Variants in INTS6 observed in about 807,000 individuals in gnomAD.
The protein encoded by INTS6 is DEAD box protein.
A neutral mutation model predicts 104.9 loss-of-function variants in INTS6; 16 were observed. The ratio of observed to expected loss-of-function variants is 0.15; its 90% CI spans 0.10 to 0.23. The LOEUF is 0.23. Among genes scored for constraint, INTS6 ranks in the 10% least tolerant of loss-of-function variants. The pLI is 1.00. For synonymous variants in INTS6, 324 were observed against 358.7 expected (o/e 0.90, Z 1.09); for missense variants, 584 against 1,062.8 (o/e 0.55, Z 6.26).
At chr13:51,340,010 T>C in the INTS6 span, among the ~76,000 whole-genome samples, 2 of 152,008 alleles carry the variant, frequency 1.3e-5, no homozygotes, top group East Asian at 3.8e-4. Flanking sequence ...GAGGAAGGGT[T>C]GGAAAAAAGA....
At chr13:51,417,666 A>G (rs966057138) in intron 4 of INTS6, among the ~76,000 whole-genome samples, 6 of 152,120 alleles carry the variant, frequency 3.9e-5, no homozygotes, top group African/African-American at 1.4e-4. Context: ...CGGGTTGGCC[A>G]GGCTGGTCTC....
chr13:51,383,938 A>G (rs1348060189), intron 7 of INTS6, 197 bp from the exon 8 acceptor site: 1 of 380,616 alleles, frequency 2.6e-6, no homozygotes, highest in Non-Finnish European at 4.6e-6. Context: ...ACAAAAAGAT[A>G]AACACTTGAA....
intron 16 of INTS6, among the ~76,000 whole-genome samples, chr13:51,368,545 TCA>T (rs1955737723): frequency 1.3e-5 from 2 of 152,156 alleles, no homozygotes; most frequent in African/African-American, 4.8e-5. Flanking sequence ...TCCTATAATA[TCA>T]CAGTTTAACT....
At chr13:51,346,428 A>G in the INTS6 span, among the ~76,000 whole-genome samples, 5 of 152,342 alleles carry the variant, frequency 3.3e-5, no homozygotes, top group Non-Finnish European at 7.3e-5. Context: ...AATGGCCCCA[A>G]ACAGAACCAG....
intron 7 of INTS6, chr13:51,384,877 A>T (rs1956111623): frequency 2.8e-6 from 1 of 357,494 alleles, no homozygotes; most frequent in Non-Finnish European, 5.5e-6. Flanking sequence ...CTCAGATTAG[A>T]CTAGTACAAA....
At chr13:51,400,767 A>T (rs1354775979) in intron 4 of INTS6, among the ~76,000 whole-genome samples, 2 of 152,214 alleles carry the variant, frequency 1.3e-5, no homozygotes, top group Non-Finnish European at 2.9e-5. Flanking sequence ...AATGTGGACT[A>T]AATGACTATA....
intron 11 of INTS6, 41 bp from the exon 12 acceptor site, chr13:51,378,495 A>C (rs747018640): frequency 3.8e-6 from 5 of 1,317,394 alleles, no homozygotes; most frequent in Admixed American, 1.8e-5. Flanking sequence ...ATAAAATCTA[A>C]ATTAATAAAT....
At chr13:51,387,991 A>G (rs1374812296) in intron 6 of INTS6, among the ~76,000 whole-genome samples, 2 of 152,236 alleles carry the variant, frequency 1.3e-5, no homozygotes, top group Non-Finnish European at 2.9e-5. Flanking sequence ...CTTAGAAATC[A>G]TTTTAACCGA....
At chr13:51,415,450 C>A (rs374714702) in intron 4 of INTS6, among the ~76,000 whole-genome samples, 10 of 152,140 alleles carry the variant, frequency 6.6e-5, no homozygotes, top group African/African-American at 2.4e-4. Context: ...GTAATTAAAT[C>A]ATGGGGATGG....
chr13:51,432,403 A>T (rs2138107769), intron 3 of INTS6, among the ~76,000 whole-genome samples: 1 of 152,234 alleles, frequency 6.6e-6, no homozygotes, highest in South Asian at 2.1e-4. Flanking sequence ...GCAGAAGTAT[A>T]CACTTAAAAA....
At chr13:51,377,871 T>C (rs1335059772) in intron 12 of INTS6, among the ~76,000 whole-genome samples, 1 of 152,142 alleles carries the variant, frequency 6.6e-6, no homozygotes, top group Non-Finnish European at 1.5e-5. Flanking sequence ...TAAAGATATC[T>C]GTAACCATGA....
At chr13:51,398,934 A>G (rs998629061) in intron 4 of INTS6, among the ~76,000 whole-genome samples, 5 of 152,196 alleles carry the variant, frequency 3.3e-5, no homozygotes, top group African/African-American at 1.2e-4. Flanking sequence ...ATACATACAT[A>G]TAAGAACATA....
At chr13:51,384,581 C>T in intron 7 of INTS6, 2 of 455,632 alleles carry the variant, frequency 4.4e-6, no homozygotes, top group South Asian at 3.1e-5. Flanking sequence ...GAATCTTCCA[C>T]AGGTTCCTCA....
chr13:51,452,886 AC>A lies in INTS6; in HGVS notation c.-362del. The A allele has an allele frequency of 1.8e-6, 2 of 1,119,198 alleles. No homozygotes were observed. The highest frequency in any genetic ancestry group is 9.4e-5 in the East Asian group (1 of 10,692). The allele number at this position is 1,119,198 out of a possible 1,614,324, so 69.3% of individuals were successfully genotyped here. A position where few individuals can be genotyped will look rare whatever the true frequency, so the allele number is the denominator to read the frequency against. ...GGAGACGGGCCTGGCTCCCCACCCC[AC>A]CCCCGGTACAGGAGTGGGGACCTGG... On this transcript the variant is annotated 5_prime_UTR_variant, in exon 1 of 18. Transcript: ENST00000311234. This position sits in a 1 kb window ranked among gnomAD's most constrained non-coding sequence, Gnocchi z 4.2.
At chr13:51,376,851 C>G (rs1227841121) in intron 12 of INTS6, among the ~76,000 whole-genome samples, 4 of 152,182 alleles carry the variant, frequency 2.6e-5, no homozygotes, top group African/African-American at 9.7e-5. Flanking sequence ...TCTTCTTTAT[C>G]TATTCACCAG....
Position 51,378,274 on chromosome 13 carries a change from C to T in INTS6, c.1567G>A (p.Glu523Lys), listed in dbSNP as rs1211275212. The T allele has an allele frequency of 6.2e-7, 1 of 1,613,274 alleles. No homozygotes were observed. The highest frequency in any genetic ancestry group is 1.7e-5 in the Admixed American group (1 of 60,000). ...AAAGCAACTTGGAACCCAGTGTATT[C>T]CTTCATATTAAGGTCTAGCAGTCTG... ...PHRLLDLNMK[E>K]YTGFQVALLN... The change falls in exon 12 of 18, where the codon GAA (glutamate) becomes AAA (lysine). Residue 523 changes from glutamate to lysine, a missense_variant. By Grantham distance (56) the Glu-to-Lys change is moderately conservative. Transcript: ENST00000311234.
intron 17 of INTS6, among the ~76,000 whole-genome samples, 186 bp downstream of exon 17, chr13:51,367,619 T>C (rs1420069402): frequency 1.3e-5 from 2 of 152,100 alleles, no homozygotes; most frequent in East Asian, 3.8e-4. Context: ...GAAGAATGTA[T>C]GTGTGGCTGT....
chr13:51,403,438 C>T (rs1297123473), intron 4 of INTS6, among the ~76,000 whole-genome samples: 5 of 151,712 alleles, frequency 3.3e-5, no homozygotes, highest in African/African-American at 4.8e-5. Flanking sequence ...AAAAATTATC[C>T]GGGCGTGGTG....
In INTS6 at chr13:51,365,020, T is replaced by C. The variant is rs572313530; in HGVS notation, c.*732A>G. ...CATAATCTAGGCAGAAATGGGAGTA[T>C]GTTGGCATGGCCAACAAAAACTACG... is the stretch of plus-strand genomic sequence containing the variant. On this transcript the variant is annotated 3_prime_UTR_variant, in exon 18 of 18. Transcript: ENST00000311234. 3.9e-5 allele frequency: 6 copies of C among 152,670 alleles called. No homozygotes were observed. The highest frequency in any genetic ancestry group is 2.1e-4 in the South Asian group (1 of 4,828). 9.5% of individuals were successfully genotyped at this position (152,670 alleles called of 1,614,324 possible). A position where few individuals can be genotyped will look rare whatever the true frequency, so the allele number is the denominator to read the frequency against.
Sources: allele counts gnomAD v4.1 joint callset (sites outside exome capture counted in the v4.1 genomes callset), GRCh38; gene constraint gnomAD v4.1.1; non-coding constraint Gnocchi (gnomAD v3.1); transcripts MANE v1.5; gene names NCBI Gene and HGNC (gene_info 2026-07-23, HGNC 2026-07-21).